Variants in PTPN14 observed in about 807,000 individuals in gnomAD.
PTPN14 encodes protein tyrosine phosphatase non-receptor type 14, also known as tyrosine-protein phosphatase non-receptor type 14.
A neutral mutation model predicts 126.8 loss-of-function variants in PTPN14; 53 were observed. That is an observed-to-expected ratio of 0.42 (90% CI 0.34 to 0.53). The LOEUF is 0.53. Ranked by LOEUF, PTPN14 falls within the 20% of genes least tolerant of loss-of-function variation. The pLI is 0.08. For synonymous variants in PTPN14, 630 were observed against 599.3 expected, an observed-to-expected ratio of 1.05 and a Z score of -0.75; for missense variants, 1,257 against 1,552.9, an observed-to-expected ratio of 0.81 and a Z score of 3.20.
At chr1:214,508,923 T>TA (rs1654904566) in intron 1 of PTPN14, among the ~76,000 whole-genome samples, 1 of 152,218 alleles carries the variant, frequency 6.6e-6, no homozygotes, top group Non-Finnish European at 1.5e-5. Flanking sequence ...GAAATTTTGT[T>TA]AGAGCCGTAG....
chr1:214,397,876 TAA>T, intron 8 of PTPN14, 35 bp downstream of exon 8: 1 of 1,508,644 alleles, frequency 6.6e-7, no homozygotes, highest in South Asian at 1.2e-5. Context: ...TTCCTCAAGG[TAA>T]AAAAGAAAAA....
At chr1:214,513,604 C>T (rs1028773413) in intron 1 of PTPN14, among the ~76,000 whole-genome samples, 3 of 152,152 alleles carry the variant, frequency 2.0e-5, no homozygotes, top group African/African-American at 7.2e-5. Context: ...ATTTACTCTT[C>T]CTGCCTAGCC....
At chr1:214,534,940 A>G (rs1655665292) in intron 1 of PTPN14, among the ~76,000 whole-genome samples, 1 of 152,102 alleles carries the variant, frequency 6.6e-6, no homozygotes, top group South Asian at 2.1e-4. Context: ...AACAGCTTTC[A>G]ATGACGTTAC....
intron 1 of PTPN14, chr1:214,533,081 C>T (rs760215127): frequency 5.3e-5 from 39 of 736,584 alleles, no homozygotes; most frequent in Non-Finnish European, 7.7e-5. Context: ...CTGGGACGTA[C>T]GGTCCAGTCC....
At chr1:214,508,747 A>C (rs561745390) in intron 1 of PTPN14, among the ~76,000 whole-genome samples, 1 of 152,364 alleles carries the variant, frequency 6.6e-6, no homozygotes, top group East Asian at 1.9e-4. Context: ...TAAAAAATGT[A>C]GTTCTTAAAT....
intron 1 of PTPN14, among the ~76,000 whole-genome samples, chr1:214,520,065 A>AAAAAAAAAAAAT: frequency 2.8e-5 from 2 of 71,112 alleles, no homozygotes; most frequent in East Asian, 9.5e-4. Context: ...AAAAAAAAAA[A>AAAAAAAAAAAAT]ATATATATAT....
At chr1:214,389,184 T>C (rs1483440898) in intron 11 of PTPN14, among the ~76,000 whole-genome samples, 1 of 152,192 alleles carries the variant, frequency 6.6e-6, no homozygotes, top group Non-Finnish European at 1.5e-5. Flanking sequence ...TACAAGGGAA[T>C]AGAAATACAC....
chr1:214,399,259 C>A (rs915122217), intron 7 of PTPN14, among the ~76,000 whole-genome samples: 1 of 152,148 alleles, frequency 6.6e-6, no homozygotes, highest in Admixed American at 6.5e-5. Context: ...GCTGTGTCGG[C>A]GGGGTCAGGT....
intron 3 of PTPN14, among the ~76,000 whole-genome samples, chr1:214,440,613 A>G (rs564461963): frequency 1.3e-5 from 2 of 152,328 alleles, no homozygotes; most frequent in South Asian, 4.1e-4. Flanking sequence ...TCAACCACCT[A>G]CAGTCTCTTA....
At chr1:214,532,965 C>T in intron 1 of PTPN14, 2 of 776,600 alleles carry the variant, frequency 2.6e-6, no homozygotes, top group Non-Finnish European at 2.3e-6. Flanking sequence ...CTCGGAAGAA[C>T]CGAGAGGAGC....
intron 1 of PTPN14, among the ~76,000 whole-genome samples, chr1:214,510,497 C>A (rs531605270): frequency 1.3e-5 from 2 of 152,268 alleles, no homozygotes; most frequent in Admixed American, 1.3e-4. Context: ...ATACAAAGAT[C>A]ACTTATTTAC....
At chr1:214,473,118 C>T (rs987955888) in intron 1 of PTPN14, among the ~76,000 whole-genome samples, 30 of 152,080 alleles carry the variant, frequency 2.0e-4, no homozygotes, top group South Asian at 8.3e-4. Flanking sequence ...CTGTGGATTT[C>T]CAGTATTTTG....
chr1:214,417,341 C>T (rs531140521), intron 3 of PTPN14, among the ~76,000 whole-genome samples: 2 of 152,088 alleles, frequency 1.3e-5, no homozygotes, highest in African/African-American at 4.8e-5. Flanking sequence ...AAAAGGCGTC[C>T]TAATAATCAG....
chr1:214,364,766 A>AGTGTGTGTGTGTGTGTGTGTGTGTGTGT lies in PTPN14; in HGVS notation c.3272-119_3272-92dup, dbSNP rs57429060. 2.2e-5 allele frequency: 13 copies of AGTGTGTGTGTGTGTGTGTGTGTGTGTGT among 591,984 alleles called. No homozygotes were observed. In the African/African-American group the frequency reaches 2.4e-4, roughly 11 times the overall value. 36.7% of individuals were successfully genotyped at this position (591,984 alleles called of 1,614,324 possible). ...GGGGAGCGGAAGAGAACTGATGGTGAGTGTGTGTGTGTGTGTGTGTGTGTG... is the reference window on the plus strand; with the variant it reads ...GGGGAGCGGAAGAGAACTGATGGTGAGTGTGTGTGTGTGTGTGTGTGTGTGTGTGTGTGTGTGTGTGTGTGTGTGTGTG... On this transcript the variant is annotated intron_variant, in intron 17 of 18. Transcript: ENST00000366956. This position sits in a 1 kb window ranked among gnomAD's most constrained non-coding sequence, Gnocchi z 4.1.
intron 1 of PTPN14, among the ~76,000 whole-genome samples, chr1:214,537,991 A>G (rs1484849146): frequency 6.6e-6 from 1 of 152,204 alleles, no homozygotes; most frequent in Non-Finnish European, 1.5e-5. Context: ...TTTTTTGATA[A>G]CAAGTCTTCA....
chr1:214,383,207 C>T lies in PTPN14; in HGVS notation c.2544+104G>A, dbSNP rs1364536936. 2.2e-6 allele frequency: 3 copies of T among 1,375,420 alleles called. No individual in the cohort carries two copies. Among genetic ancestry groups the T allele is most frequent in the Non-Finnish European group, 3.0e-6 (3 of 1,010,184 alleles). The allele number at this position is 1,375,420 out of a possible 1,614,324, so 85.2% of individuals were successfully genotyped here. ...ACTACCTTTTAAATGCTCAATGATT[C>T]CTTAAAAACCTACCACGTTCCCTGC... On this transcript the variant is annotated intron_variant, in intron 13 of 18. Coordinates refer to ENST00000366956, the MANE Select transcript of PTPN14 (RefSeq NM_005401.5). This position sits in a 1 kb window ranked among gnomAD's most constrained non-coding sequence, Gnocchi z 4.4.
chr1:214,536,595 C>T (rs1450167434), intron 1 of PTPN14, among the ~76,000 whole-genome samples: 7 of 151,396 alleles, frequency 4.6e-5, no homozygotes, highest in Admixed American at 1.3e-4. Flanking sequence ...GACCAGCTTG[C>T]GTAACCTAGT....
chr1:214,549,290 C>T (rs74570848), intron 1 of PTPN14, among the ~76,000 whole-genome samples: 4,072 of 152,280 alleles, frequency 0.027, 69 homozygotes, highest in Non-Finnish European at 0.041. Context: ...AGAAACTTTT[C>T]TAGGCAGGAT....
intron 1 of PTPN14, among the ~76,000 whole-genome samples, chr1:214,486,276 G>A (rs1252797736): frequency 2.0e-5 from 3 of 152,098 alleles, no homozygotes; most frequent in African/African-American, 7.2e-5. Context: ...ACTCTGTAGA[G>A]GCATTATCCT....
Sources: allele counts gnomAD v4.1 joint callset (sites outside exome capture counted in the v4.1 genomes callset), GRCh38; gene constraint gnomAD v4.1.1; non-coding constraint Gnocchi (gnomAD v3.1); transcripts MANE v1.5; gene names NCBI Gene and HGNC (gene_info 2026-07-23, HGNC 2026-07-21).